Variants in DNAH2 observed in about 807,000 individuals in gnomAD.
DNAH2 encodes axonemal beta dynein heavy chain 2.
Under a neutral mutation model 523.5 loss-of-function variants are expected in DNAH2, and 323 were observed. The observed-to-expected ratio is 0.62, with a 90% CI of 0.56 to 0.68. DNAH2 has a LOEUF of 0.68. DNAH2 is among the 30% of genes least tolerant of loss of function. The probability of loss-of-function intolerance (pLI) is 0.00; values close to 1 mark genes in which losing one functional copy is unlikely to be tolerated. For missense variants in DNAH2, 4,907 were observed against 5,701.5 expected (o/e 0.86, Z 4.49); for synonymous variants, 2,093 against 2,177.4 (o/e 0.96, Z 1.08).
intron 10 of DNAH2, 25 bp downstream of exon 10, chr17:7,740,574 G>T: frequency 6.2e-7 from 1 of 1,610,260 alleles, no homozygotes; most frequent in Non-Finnish European, 8.5e-7. Context: ...CGGCTTCCTC[G>T]GCTTCCCGTC....
Position 7,817,336 on chromosome 17 carries a change from C to G in DNAH2, c.9941C>G (p.Ala3314Gly), listed in dbSNP as rs965365241. 1 of 1,608,170 alleles carries G rather than the reference C, an allele frequency of 6.2e-7. No individual in the cohort carries two copies. The highest frequency in any genetic ancestry group is 1.7e-5 in the Admixed American group (1 of 57,928). Residue 3314 changes from alanine to glycine, a missense_variant, in exon 65 of 86, where the codon GCA (alanine) becomes GGA (glycine). Around this residue, in one of 3 missense-constraint regions of DNAH2, gnomAD observed 1,851 missense variants for 2,139.4 expected, o/e 0.87. Coordinates refer to ENST00000572933, the MANE Select transcript of DNAH2 (RefSeq NM_020877.5). ...TACCTGGTGGGGGACTGTCTCCTGGCAGCTGCCTTCCTGTCCTACATGGGA... is the reference window on the plus strand; with the variant it reads ...TACCTGGTGGGGGACTGTCTCCTGGGAGCTGCCTTCCTGTCCTACATGGGA... ...LGYLVGDCLL[A>G]AAFLSYMGPF...
At position 7,824,687 on chromosome 17, in the gene DNAH2, T is replaced by C. The variant is rs776805353; in HGVS notation, c.11813T>C (p.Ile3938Thr). 1 of 1,595,132 alleles carries C rather than the reference T, an allele frequency of 6.3e-7. No individual in the cohort carries two copies. The highest frequency in any genetic ancestry group is 8.6e-7 in the Non-Finnish European group (1 of 1,167,726). ...SIPHPDFPIS[I>T]LQVSIKMTTE... is the part of the protein sequence containing the mutation. ...CCCCACCCAGACTTCCCTATCTCAA[T>C]CTTGCAGGTCAGCATCAAGATGACC... Residue 3938 changes from isoleucine to threonine, a missense_variant, in exon 77 of 86, where the codon ATC becomes ACC. By Grantham distance (89) the Ile-to-Thr change is moderately conservative (BLOSUM62 -1). Around this residue, in one of 3 missense-constraint regions of DNAH2, gnomAD observed 1,851 missense variants for 2,139.4 expected, o/e 0.87. Coordinates refer to ENST00000572933, the MANE Select transcript of DNAH2 (RefSeq NM_020877.5).
chr17:7,762,331 C>CT (rs35824439), intron 18 of DNAH2, among the ~76,000 whole-genome samples: 1,640 of 111,752 alleles, frequency 0.015, 33 homozygotes, highest in African/African-American at 0.033. Flanking sequence ...CGTAGGATTT[C>CT]TTTTTTTTTT....
Position 7,737,098 on chromosome 17 carries a change from C to T in DNAH2, c.1010C>T (p.Thr337Ile). ...DGSRQAQSNL[T>I]FLSILKEPYQ... ...TCTCGTCAAGCACAGTCAAACCTGACCTTTTTGTCAATCCTGAAGGAACCT... is the reference window on the plus strand; with the variant it reads ...TCTCGTCAAGCACAGTCAAACCTGATCTTTTTGTCAATCCTGAAGGAACCT... Residue 337 changes from threonine (T) to isoleucine (I), a missense_variant, in exon 8 of 86, where the codon ACC (threonine) becomes ATC (isoleucine). By Grantham distance (89) the Thr-to-Ile change is moderately conservative. Transcript: ENST00000572933. 1.2e-6 allele frequency: 2 copies of T among 1,614,166 alleles called. No individual in the cohort carries two copies. Among genetic ancestry groups the T allele is most frequent in the Non-Finnish European group, 1.7e-6 (2 of 1,180,022 alleles).
At chr17:7,827,201 T>C (rs558998843) in intron 77 of DNAH2, among the ~76,000 whole-genome samples, 1 of 152,112 alleles carries the variant, frequency 6.6e-6, no homozygotes, top group South Asian at 2.1e-4. Context: ...CTCTTCTCTT[T>C]TATGCTGTTT....
Position 7,816,579 on chromosome 17 carries a change from G to A in DNAH2, c.9738G>A (p.Glu3246=). 6.2e-7 allele frequency: 1 copy of A among 1,614,222 alleles called. No homozygotes were observed. The highest frequency in any genetic ancestry group is 8.5e-7 in the Non-Finnish European group (1 of 1,180,034). ...EAQEKLREVA[E]KLEMLKKQYD... ...ACTCGAATCTCTCCCAGGTAGCTGA[G>A]AAACTGGAGATGCTAAAGAAACAGT... is the stretch of plus-strand genomic sequence containing the variant. The change falls in exon 64 of 86, where the codon GAG becomes GAA. Residue 3246 remains glutamate (E), a synonymous_variant. Transcript: ENST00000572933.
chr17:7,763,558 C>A (rs1390943371), intron 18 of DNAH2, among the ~76,000 whole-genome samples: 1 of 152,210 alleles, frequency 6.6e-6, no homozygotes, highest in Non-Finnish European at 1.5e-5. Context: ...GGATTACAGG[C>A]GTGAGCCATC....
rs902390113 is a variant in DNAH2, at chr17:7,757,375, C to G, written c.2051+138C>G. ...TTCCATCTCAAAAAAAAAAAATTGT[C>G]TCCCACTCTTACGGCCCTATCATTA... is the stretch of plus-strand genomic sequence containing the variant. On this transcript the variant is annotated intron_variant, in intron 13 of 85. Transcript: ENST00000572933. 1.3e-5 allele frequency: 15 copies of G among 1,125,786 alleles called. No individual in the cohort carries two copies. The Admixed American group carries it at 3.5e-4, about 26-fold the overall frequency. 69.7% of individuals were successfully genotyped at this position (1,125,786 alleles called of 1,614,324 possible). A position where few individuals can be genotyped will look rare whatever the true frequency, so the allele number is the denominator to read the frequency against.
intron 8 of DNAH2, among the ~76,000 whole-genome samples, chr17:7,738,678 T>G (rs985915658): frequency 2.0e-5 from 3 of 152,134 alleles, no homozygotes; most frequent in African/African-American, 7.2e-5. Flanking sequence ...GAACCCTACC[T>G]GGTCTTTTCC....
rs1206425051 is a variant in DNAH2, at chr17:7,786,362, G to A, written c.6348+20G>A. On this transcript the variant is annotated intron_variant, in intron 40 of 85. Transcript: ENST00000572933. This position sits in a 1 kb window ranked among gnomAD's most constrained non-coding sequence, Gnocchi z 7.5. ...GTTAGAGTACGGGGCTGGGACAGTG[G>A]AGTCAGTGGGCAGAGACTTGAGTAG... 6 of 1,605,564 alleles carry A rather than the reference G, an allele frequency of 3.7e-6. No homozygotes were observed. The African/African-American group carries it at 6.7e-5, about 18-fold the overall frequency.
At position 7,817,999 on chromosome 17, in the gene DNAH2, C is replaced by A. The variant is rs749033023; in HGVS notation, c.10290C>A (p.His3430Gln). 1 of 1,614,130 alleles carries A rather than the reference C, an allele frequency of 6.2e-7. No homozygotes were observed. Among genetic ancestry groups the A allele is most frequent in the East Asian group, 2.2e-5 (1 of 44,888 alleles). ...GCGATTACCTGCGAATCCTAGAACA[C>A]GCCATTCACTTTGGATACCCGGTGC... is the stretch of plus-strand genomic sequence containing the variant. ...QMSDYLRILE[H>Q]AIHFGYPVLL... is the part of the protein sequence containing the mutation. Residue 3430 changes from histidine (H) to glutamine (Q), a missense_variant, in exon 68 of 86, where the codon CAC (histidine) becomes CAA (glutamine). Transcript: ENST00000572933.
chr17:7,804,510 G>T, intron 59 of DNAH2, 44 bp downstream of exon 59: 3 of 1,598,396 alleles, frequency 1.9e-6, no homozygotes, highest in Non-Finnish European at 2.6e-6. Context: ...TCCCACCAGT[G>T]CCGGCTACTG....
At chr17:7,799,310 G>T in intron 56 of DNAH2, 68 bp downstream of exon 56, 1 of 1,581,690 alleles carries the variant, frequency 6.3e-7, no homozygotes, top group South Asian at 1.1e-5. Flanking sequence ...GGCCTCCTGT[G>T]CCTTCTGGAA....
chr17:7,738,766 TG>T (rs1169078428), intron 8 of DNAH2, among the ~76,000 whole-genome samples: 1 of 152,170 alleles, frequency 6.6e-6, no homozygotes, highest in Non-Finnish European at 1.5e-5. Context: ...GTCTCCTGTC[TG>T]GTTCTTCTCA....
intron 8 of DNAH2, chr17:7,737,917 G>A: frequency 2.9e-6 from 2 of 698,156 alleles, no homozygotes; most frequent in African/African-American, 1.7e-5. Flanking sequence ...GAAGGAGTTG[G>A]GTGTCAAGGA....
In DNAH2 at chr17:7,798,814, C is replaced by A; in HGVS notation, c.8559+96C>A. 1.3e-6 allele frequency: 1 copy of A among 758,760 alleles called. No homozygotes were observed. Among genetic ancestry groups the A allele is most frequent in the South Asian group, 1.7e-5 (1 of 58,156 alleles). The allele number at this position is 758,760 out of a possible 1,614,324, so 47.0% of individuals were successfully genotyped here. A position where few individuals can be genotyped will look rare whatever the true frequency, so the allele number is the denominator to read the frequency against. On this transcript the variant is annotated intron_variant, in intron 55 of 85. Transcript: ENST00000572933. This position sits in a 1 kb window ranked among gnomAD's most constrained non-coding sequence, Gnocchi z 5.5. The stretch of plus-strand genomic sequence containing the variant: ...CTCCCAGAATGTGCCACTGGCACAC[C>A]CCCACTGCCACACCCCCACTGCCCA...
At position 7,831,405 on chromosome 17, in the gene DNAH2, G is replaced by A. The variant is rs145162218; in HGVS notation, c.12475G>A (p.Ala4159Thr). The change falls in exon 81 of 86, where the codon GCT becomes ACT. Residue 4159 changes from alanine (A) to threonine (T), a missense_variant. Transcript: ENST00000572933. The surrounding 1 kb of genome is among the most constrained non-coding windows in gnomAD (Gnocchi z 4.2). ...GCCTGCTCAGGTCCTTGAGTTGGCC[G>A]CTGATGTGAAGCAGAAGATCCCTGA... ...TREEKVLELAADVKQKIPEMI... is the reference protein window; with the variant it reads ...TREEKVLELATDVKQKIPEMI... 2.2e-4 allele frequency: 349 copies of A among 1,614,002 alleles called. 1 individual carries two copies. Among genetic ancestry groups the A allele is most frequent in the Middle Eastern group, 1.6e-4 (1 of 6,084 alleles).
chr17:7,749,308 C>CAAAAAAAAAAAA (rs57660603), intron 12 of DNAH2, among the ~76,000 whole-genome samples: 483 of 17,770 alleles, frequency 0.027, 151 homozygotes, highest in East Asian at 0.041. Context: ...AACTCCCCCC[C>CAAAAAAAAAAAA]AAAAAAAAAA....
Position 7,788,170 on chromosome 17 carries a change from G to T in DNAH2, c.6826G>T (p.Val2276Leu), listed in dbSNP as rs2076796120. Residue 2276 changes from valine to leucine, a missense_variant, in exon 44 of 86, where the codon GTG (valine) becomes TTG (leucine). Val to Leu is a conservative substitution (Grantham distance 32, BLOSUM62 1). Around this residue, in one of 3 missense-constraint regions of DNAH2, gnomAD observed 2,806 missense variants for 3,190.8 expected, o/e 0.88. Transcript: ENST00000572933. ...TAAGAAGGACAACTGCAAGGAGCTG[G>T]TGCCCCTGCCCGAGTACAGCGGTAT... is the stretch of plus-strand genomic sequence containing the variant. ...AFKKDNCKEL[V>L]PLPEYSGITS... The T allele has an allele frequency of 6.2e-7, 1 of 1,613,982 alleles. No individual in the cohort carries two copies. The highest frequency in any genetic ancestry group is 8.5e-7 in the Non-Finnish European group (1 of 1,179,954).
Sources: allele counts gnomAD v4.1 joint callset (sites outside exome capture counted in the v4.1 genomes callset), GRCh38; gene constraint gnomAD v4.1.1; regional missense constraint gnomAD v4.1.1; non-coding constraint Gnocchi (gnomAD v3.1); transcripts MANE v1.5; gene names NCBI Gene and HGNC (gene_info 2026-07-23, HGNC 2026-07-21).